Variants in KDM8 observed in about 807,000 individuals in gnomAD.
The protein encoded by KDM8 is bifunctional peptidase and arginyl-hydroxylase JMJD5.
Under a neutral mutation model 46.9 loss-of-function variants are expected in KDM8, and 35 were observed. That is an observed-to-expected ratio of 0.75 (90% CI 0.57 to 0.99). The LOEUF is 0.99. Among genes scored for constraint, KDM8 ranks in the 50% least tolerant of loss-of-function variants. KDM8 has a pLI of 0.00. For synonymous variants in KDM8, 232 were observed against 227.7 expected (o/e 1.02, Z -0.17); for missense variants, 475 against 537.0 (o/e 0.88, Z 1.14).
intron 5 of KDM8, 66 bp from the exon 6 acceptor site, chr16:27,218,895 T>C: frequency 1.3e-6 from 2 of 1,579,778 alleles, no homozygotes; most frequent in South Asian, 1.1e-5. Flanking sequence ...TGACTCTTCG[T>C]TGGCCTCCGG....
At chr16:27,216,796 G>A (rs1230902591) in intron 5 of KDM8, among the ~76,000 whole-genome samples, 1 of 152,150 alleles carries the variant, frequency 6.6e-6, no homozygotes, top group Non-Finnish European at 1.5e-5. Context: ...GCTAAGTGAA[G>A]GAAAGGGGGA....
At chr16:27,212,697 G>A (rs565306972) in intron 2 of KDM8, among the ~76,000 whole-genome samples, 88 of 152,230 alleles carry the variant, frequency 5.8e-4, no homozygotes, top group African/African-American at 1.9e-3. Context: ...TTGTGCCACC[G>A]CACTCCAGCC....
chr16:27,216,806 A>C (rs1440946986), intron 5 of KDM8, among the ~76,000 whole-genome samples: 3 of 151,590 alleles, frequency 2.0e-5, no homozygotes, highest in Non-Finnish European at 4.4e-5. Flanking sequence ...GGAAAGGGGG[A>C]TTCTAATTGA....
At chr16:27,206,243 G>A (rs2083427030) in intron 1 of KDM8, 10 of 976,862 alleles carry the variant, frequency 1.0e-5, no homozygotes, top group Middle Eastern at 5.2e-4. Context: ...AAGCCTGTTT[G>A]TTTAATGTAA....
chr16:27,219,429 G>A (rs541129876), intron 6 of KDM8, among the ~76,000 whole-genome samples: 4 of 152,318 alleles, frequency 2.6e-5, no homozygotes, highest in South Asian at 4.1e-4. Flanking sequence ...ATGCGATCCA[G>A]ACCAGCTTCC....
intron 3 of KDM8, chr16:27,214,156 A>G (rs990271610): frequency 2.5e-5 from 4 of 161,494 alleles, no homozygotes; most frequent in Non-Finnish European, 4.0e-5. Flanking sequence ...GTCCTTTCTC[A>G]GAATCATGAT....
intron 5 of KDM8, among the ~76,000 whole-genome samples, chr16:27,217,097 C>T (rs1424139450): frequency 2.6e-5 from 4 of 152,158 alleles, no homozygotes; most frequent in Non-Finnish European, 5.9e-5. Context: ...TGAGTGTCTA[C>T]CATGCTGTGG....
chr16:27,220,595 G>A lies in KDM8; in HGVS notation c.1116G>A (p.Lys372=). ...ACGTGGAGAATCCCGACCTGGAAAA[G>A]TTCCCCAAGTTTGCCAAGGCCCCAT... ...QVDVENPDLE[K]FPKFAKAPFL... Residue 372 remains lysine (K), a synonymous_variant, in exon 8 of 8, where the codon AAG becomes AAA. Coordinates refer to ENST00000286096, the MANE Select transcript of KDM8 (RefSeq NM_024773.3). The A allele has an allele frequency of 1.2e-6, 2 of 1,614,186 alleles. No homozygotes were observed. The highest frequency in any genetic ancestry group is 1.7e-6 in the Non-Finnish European group (2 of 1,180,042).
At chr16:27,211,121 C>G (rs866533955) in intron 2 of KDM8, 1 of 404,410 alleles carries the variant, frequency 2.5e-6, no homozygotes, top group Non-Finnish European at 4.9e-6. Context: ...CATTTTCTCT[C>G]TTTTTTTTTT....
chr16:27,221,122 G>A lies in KDM8; in HGVS notation c.*392G>A. 2.9e-6 allele frequency: 1 copy of A among 349,618 alleles called. No individual in the cohort carries two copies. Among genetic ancestry groups the A allele is most frequent in the South Asian group, 2.3e-5 (1 of 44,372 alleles). The allele number at this position is 349,618 out of a possible 1,614,324, so 21.7% of individuals were successfully genotyped here. A position where few individuals can be genotyped will look rare whatever the true frequency, so the allele number is the denominator to read the frequency against. ...AACCCGGCCGCGCTGTGCACCTGCTGGGTGACTTGGCCAGGATCCCCCACT... is the reference window on the plus strand; with the variant it reads ...AACCCGGCCGCGCTGTGCACCTGCTAGGTGACTTGGCCAGGATCCCCCACT... On this transcript the variant is annotated 3_prime_UTR_variant, in exon 8 of 8. Transcript: ENST00000286096.
chr16:27,220,912 C>G lies in KDM8; in HGVS notation c.*182C>G. 2 of 741,682 alleles carry G rather than the reference C, an allele frequency of 2.7e-6. No individual in the cohort carries two copies. Among genetic ancestry groups the G allele is most frequent in the South Asian group, 2.9e-5 (2 of 68,064 alleles). The allele number at this position is 741,682 out of a possible 1,614,324, so 45.9% of individuals were successfully genotyped here. On this transcript the variant is annotated 3_prime_UTR_variant, in exon 8 of 8. Coordinates refer to ENST00000286096, the MANE Select transcript of KDM8 (RefSeq NM_024773.3). ...TGGACAGGCACAGAGCAGGGGCTGC[C>G]CAGGAAGGAGCACACTCCAGGCCAG...
chr16:27,216,013 T>A, intron 5 of KDM8, 24 bp downstream of exon 5: 1 of 1,613,714 alleles, frequency 6.2e-7, no homozygotes, highest in Non-Finnish European at 8.5e-7. Context: ...CACGCACCTC[T>A]GCCCCTCACC....
intron 3 of KDM8, 188 bp downstream of exon 3, chr16:27,213,939 A>G: frequency 1.7e-6 from 1 of 603,578 alleles, no homozygotes; most frequent in South Asian, 2.5e-5. Flanking sequence ...GCCGCAGGTT[A>G]TGGGATTCTT....
At chr16:27,218,913 T>G (rs1326539075) in intron 5 of KDM8, 48 bp from the exon 6 acceptor site, 6 of 1,609,900 alleles carry the variant, frequency 3.7e-6, no homozygotes, top group Non-Finnish European at 4.2e-6. Context: ...CGGGCTGCGG[T>G]GTCCCCAGCC....
chr16:27,209,936 C>A (rs1283490391), intron 1 of KDM8, among the ~76,000 whole-genome samples, 157 bp from the exon 2 acceptor site: 1 of 152,230 alleles, frequency 6.6e-6, no homozygotes, highest in Non-Finnish European at 1.5e-5. Context: ...ACAGTGGTGA[C>A]CCCAGACAGA....
intron 2 of KDM8, among the ~76,000 whole-genome samples, chr16:27,213,038 A>C (rs1218936914): frequency 6.6e-6 from 1 of 152,202 alleles, no homozygotes; most frequent in Non-Finnish European, 1.5e-5. Context: ...TCAAGCAGCA[A>C]GTAACTTACT....
intron 1 of KDM8, among the ~76,000 whole-genome samples, chr16:27,204,609 G>A (rs1196767096): frequency 6.6e-6 from 1 of 152,116 alleles, no homozygotes; most frequent in East Asian, 1.9e-4. Flanking sequence ...TGACCAGCAT[G>A]GTGCTTGCAG....
intron 6 of KDM8, chr16:27,220,181 A>G (rs2083601414): frequency 1.7e-6 from 1 of 577,708 alleles, no homozygotes; most frequent in South Asian, 2.0e-5. Context: ...TGATCGTACC[A>G]CTGCACTCCA....
chr16:27,212,950 A>T (rs1440472319), intron 2 of KDM8, among the ~76,000 whole-genome samples: 1 of 152,128 alleles, frequency 6.6e-6, no homozygotes, highest in African/African-American at 2.4e-5. Flanking sequence ...TTGGTCTCCC[A>T]AAGTGCTGGG....
Sources: allele counts gnomAD v4.1 joint callset (sites outside exome capture counted in the v4.1 genomes callset), GRCh38; gene constraint gnomAD v4.1.1; transcripts MANE v1.5; gene names NCBI Gene and HGNC (gene_info 2026-07-23, HGNC 2026-07-21).